CDHR5: variants seen among roughly 807,000 people sequenced by gnomAD.
CDHR5 encodes the protein cadherin related family member 5.
In CDHR5, 82 loss-of-function variants were observed where a neutral mutation model predicts 69.5. The ratio of observed to expected loss-of-function variants is 1.18; its 90% CI spans 0.99 to 1.42. The LOEUF (loss-of-function observed/expected upper bound fraction) is 1.42, where lower values mean the gene tolerates loss of function less well. CDHR5 is among the 40% of genes most tolerant of loss of function. The pLI, the probability that CDHR5 is intolerant of heterozygous loss-of-function variation, is 0.00. For synonymous variants in CDHR5, 601 were observed against 510.2 expected (o/e 1.18, Z -2.40); for missense variants, 1,293 against 1,168.9 (o/e 1.11, Z -1.55).
chr11:622,047 C>T lies in CDHR5; in HGVS notation c.313-143G>A, dbSNP rs956828579. 1.6e-5 allele frequency: 10 copies of T among 636,422 alleles called. 1 individual carries two copies. The highest frequency in any genetic ancestry group is 3.8e-5 in the African/African-American group (2 of 52,284). The allele number at this position is 636,422 out of a possible 1,614,324, so 39.4% of individuals were successfully genotyped here. A position where few individuals can be genotyped will look rare whatever the true frequency, so the allele number is the denominator to read the frequency against. On this transcript the variant is annotated intron_variant, in intron 3 of 14. Transcript: ENST00000397542. ...GCCCTAAGTGAGGTGCACCCCTCGACGGCCACCCGTCCCTGCTGTGAGTGA... is the reference window on the plus strand; with the variant it reads ...GCCCTAAGTGAGGTGCACCCCTCGATGGCCACCCGTCCCTGCTGTGAGTGA...
At position 617,487 on chromosome 11, in the gene CDHR5, G is replaced by A; in HGVS notation, c.2402C>T (p.Ala801Val). ...VWFGEDIGTE[A>V]DVVVLNAPTL... ...GGGCGCGTTGAGAACGACCACGTCT[G>A]CCTCCGTCCCGATGTCCTCGCCAAA... The change falls in exon 15 of 15, where the codon GCA becomes GTA. Residue 801 changes from alanine (A) to valine (V), a missense_variant. Physicochemically the swap from Ala to Val is moderately conservative, Grantham distance 64. Coordinates refer to ENST00000397542, the MANE Select transcript of CDHR5 (RefSeq NM_021924.5). 6 of 1,612,734 alleles carry A rather than the reference G, an allele frequency of 3.7e-6. No homozygotes were observed. The highest frequency in any genetic ancestry group is 5.1e-6 in the Non-Finnish European group (6 of 1,179,868).
Position 624,910 on chromosome 11 carries a change from G to A in CDHR5, c.-8C>T. 1.3e-6 allele frequency: 2 copies of A among 1,544,710 alleles called. No homozygotes were observed. The highest frequency in any genetic ancestry group is 1.7e-6 in the Non-Finnish European group (2 of 1,148,032). On this transcript the variant is annotated 5_prime_UTR_variant, in exon 1 of 15. Transcript: ENST00000397542. The surrounding 1 kb of genome is among the most constrained non-coding windows in gnomAD (Gnocchi z 5.3). ...CAGGGCCCAAGACCCCATCTTGGCG[G>A]CTGTCACCTGGCAGGAGGGTCTGAG...
rs984977663 is a variant in CDHR5 at position 624,806 on chromosome 11, G to T, written c.85+12C>A. On this transcript the variant is annotated intron_variant, in intron 1 of 14. Coordinates refer to ENST00000397542, the MANE Select transcript of CDHR5 (RefSeq NM_021924.5). This position sits in a 1 kb window ranked among gnomAD's most constrained non-coding sequence, Gnocchi z 5.3. ...CGCCGCCCGTGCCCCACCTACCCCTGCCCGCACATACACTGGGCCTGGGCC... is the reference window on the plus strand; with the variant it reads ...CGCCGCCCGTGCCCCACCTACCCCTTCCCGCACATACACTGGGCCTGGGCC... 1.2e-6 allele frequency: 2 copies of T among 1,609,362 alleles called. No homozygotes were observed. Among genetic ancestry groups the T allele is most frequent in the Admixed American group, 1.7e-5 (1 of 59,052 alleles).
intron 3 of CDHR5, 137 bp from the exon 4 acceptor site, chr11:622,041 C>A (rs1857440132): frequency 3.0e-6 from 2 of 657,248 alleles, no homozygotes; most frequent in Non-Finnish European, 5.2e-6. Context: ...GAGGTGCACC[C>A]CTCGACGGCC....
Position 621,358 on chromosome 11 carries a change from C to A in CDHR5, c.605G>T (p.Trp202Leu). Reference sequence around the variant, plus strand: ...TGACCTGCTCACCCGCACCAGCAGCCAGAAGGTCATGTTCGGCCGCTCGTA... The same window carrying A: ...TGACCTGCTCACCCGCACCAGCAGCAAGAAGGTCATGTTCGGCCGCTCGTA... The part of the protein sequence containing the change: ...DFYERPNMTF[W>L]LLVRDTPGEN... The change falls in exon 6 of 15, where the codon TGG becomes TTG. Residue 202 changes from tryptophan to leucine, a missense_variant. Trp to Leu is a moderately conservative substitution (Grantham distance 61). Coordinates refer to ENST00000397542, the MANE Select transcript of CDHR5 (RefSeq NM_021924.5). The surrounding 1 kb of genome is among the most constrained non-coding windows in gnomAD (Gnocchi z 4.4). 6.2e-7 allele frequency: 1 copy of A among 1,613,294 alleles called. No homozygotes were observed. The highest frequency in any genetic ancestry group is 8.5e-7 in the Non-Finnish European group (1 of 1,179,936).
At chr11:622,685 A>C (rs1834801102) in intron 3 of CDHR5, among the ~76,000 whole-genome samples, 1 of 150,856 alleles carries the variant, frequency 6.6e-6, no homozygotes, top group Admixed American at 6.6e-5. Flanking sequence ...CATTTTGGCC[A>C]CATTGGTCTC....
chr11:624,855 C>G lies in CDHR5; in HGVS notation c.48G>C (p.Leu16=). 1 of 1,592,498 alleles carries G rather than the reference C, an allele frequency of 6.3e-7. No individual in the cohort carries two copies. Among genetic ancestry groups the G allele is most frequent in the Non-Finnish European group, 8.5e-7 (1 of 1,171,456 alleles). ...CCATGGTCCCCGGGGGTCGGACGAG[C>G]AGCCCGGTGAACAGCAGGGGAGGCC... is the stretch of plus-strand genomic sequence containing the variant. ...LLWPPLLFTG[L]LVRPPGTMAQ... The change falls in exon 1 of 15, where the codon CTG becomes CTC. Residue 16 remains leucine (L), a synonymous_variant. Coordinates refer to ENST00000397542, the MANE Select transcript of CDHR5 (RefSeq NM_021924.5). This position sits in a 1 kb window ranked among gnomAD's most constrained non-coding sequence, Gnocchi z 5.3.
chr11:617,435 G>C lies in CDHR5; in HGVS notation c.2454C>G (p.Asp818Glu). 1.2e-6 allele frequency: 2 copies of C among 1,612,358 alleles called. No individual in the cohort carries two copies. The highest frequency in any genetic ancestry group is 1.7e-6 in the Non-Finnish European group (2 of 1,179,618). Residue 818 changes from aspartate to glutamate, a missense_variant, in exon 15 of 15, where the codon GAC becomes GAG. Asp to Glu is a conservative substitution (Grantham distance 45). Coordinates refer to ENST00000397542, the MANE Select transcript of CDHR5 (RefSeq NM_021924.5). ...CCTCGCCCTCATCGCCGCTGCCGGA[G>C]TCACTGGCGCCATCCACGTCCAGGG... Reference protein sequence around the residue: ...APTLDVDGASDSGSGDEGEGA... With the variant: ...APTLDVDGASESGSGDEGEGA...
intron 3 of CDHR5, among the ~76,000 whole-genome samples, chr11:623,234 G>T (rs533049828): frequency 6.6e-6 from 1 of 152,128 alleles, no homozygotes; most frequent in African/African-American, 2.4e-5. Context: ...GCTTGGACCC[G>T]GGAGGCGGAA....
chr11:617,391 C>T lies in CDHR5; in HGVS notation c.2498G>A (p.Gly833Asp), dbSNP rs1471404615. ...ATCACCACCGGGCGCATCGTAGGGA[C>T]CCCCACCCCTCCCCGCGCCCTCGCC... is the stretch of plus-strand genomic sequence containing the variant. ...DEGEGAGRGGGPYDAPGGDDS... is the reference protein window; with the variant it reads ...DEGEGAGRGGDPYDAPGGDDS... Residue 833 changes from glycine to aspartate, a missense_variant, in exon 15 of 15, where the codon GGT becomes GAT. Coordinates refer to ENST00000397542, the MANE Select transcript of CDHR5 (RefSeq NM_021924.5). 4 of 1,610,334 alleles carry T rather than the reference C, an allele frequency of 2.5e-6. No individual in the cohort carries two copies. Among genetic ancestry groups the T allele is most frequent in the Non-Finnish European group, 3.4e-6 (4 of 1,178,356 alleles).
chr11:617,851 C>A, intron 14 of CDHR5, 81 bp from the exon 15 acceptor site: 1 of 1,488,030 alleles, frequency 6.7e-7, no homozygotes, highest in Non-Finnish European at 9.0e-7. Flanking sequence ...CCACGCTGGA[C>A]ACCCCTCCGT....
At chr11:618,296 C>T (rs1468320976) in intron 13 of CDHR5, among the ~76,000 whole-genome samples, 185 bp from the exon 14 acceptor site, 1 of 152,238 alleles carries the variant, frequency 6.6e-6, no homozygotes, top group Non-Finnish European at 1.5e-5. Context: ...CTGCCCACCC[C>T]CTCCCCCCCG....
chr11:624,471 T>G lies in CDHR5; in HGVS notation c.261+86A>C. Reference sequence around the variant, plus strand: ...CAGTGGATGCCCGCAGGCATAGAACTCCTAGGCCCCCAAGGGAGGTGTGGC... The same window carrying G: ...CAGTGGATGCCCGCAGGCATAGAACGCCTAGGCCCCCAAGGGAGGTGTGGC... On this transcript the variant is annotated intron_variant, in intron 2 of 14. Coordinates refer to ENST00000397542, the MANE Select transcript of CDHR5 (RefSeq NM_021924.5). The surrounding 1 kb of genome is among the most constrained non-coding windows in gnomAD (Gnocchi z 5.3). 7.2e-7 allele frequency: 1 copy of G among 1,384,140 alleles called. No individual in the cohort carries two copies. The highest frequency in any genetic ancestry group is 1.0e-6 in the Non-Finnish European group (1 of 972,672). 85.7% of individuals were successfully genotyped at this position (1,384,140 alleles called of 1,614,324 possible). A position where few individuals can be genotyped will look rare whatever the true frequency, so the allele number is the denominator to read the frequency against.
chr11:622,982 C>T (rs1452800473), intron 3 of CDHR5, among the ~76,000 whole-genome samples: 2 of 152,022 alleles, frequency 1.3e-5, no homozygotes, highest in African/African-American at 4.8e-5. Flanking sequence ...TCCCTTTCTC[C>T]CATCTTTTTT....
In CDHR5 at chr11:618,720, C is replaced by T. The variant is rs754713115; in HGVS notation, c.1839G>A (p.Met613Ile). The stretch of plus-strand genomic sequence containing the variant: ...AGGTGCTGGTTCCCATACCGGGGGG[C>T]ATCGGCTGAGAGGTTCCTGCCTCTG... Reference protein sequence around the residue: ...QTPEAGTSQPMPPGMGTSTSH... With the variant: ...QTPEAGTSQPIPPGMGTSTSH... Residue 613 changes from methionine to isoleucine, a missense_variant, in exon 13 of 15, where the codon ATG becomes ATA. Transcript: ENST00000397542. 13 of 1,589,262 alleles carry T rather than the reference C, an allele frequency of 8.2e-6. No individual in the cohort carries two copies. The highest frequency in any genetic ancestry group is 7.0e-5 in the East Asian group (3 of 43,126).
Position 619,763 on chromosome 11 carries a change from C to T in CDHR5, c.1097G>A (p.Gly366Asp). ...CTTGACCACAACGCCCGCTCCAGCG[C>T]CACGCGCCACGGTGCCACGATACAG... Reference protein sequence around the residue: ...QRLYRGTVARGAGAGVVVKDA... With the variant: ...QRLYRGTVARDAGAGVVVKDA... The change falls in exon 10 of 15, where the codon GGC (glycine) becomes GAC (aspartate). Residue 366 changes from glycine to aspartate, a missense_variant. Gly to Asp is a moderately conservative substitution (Grantham distance 94). Transcript: ENST00000397542. 5.6e-6 allele frequency: 9 copies of T among 1,611,282 alleles called. No individual in the cohort carries two copies. The highest frequency in any genetic ancestry group is 6.8e-6 in the Non-Finnish European group (8 of 1,179,870).
rs753698890 is a variant in CDHR5 at position 624,463 on chromosome 11, C to T, written c.261+94G>A. 3 of 1,296,934 alleles carry T rather than the reference C, an allele frequency of 2.3e-6. No individual in the cohort carries two copies. The highest frequency in any genetic ancestry group is 3.4e-6 in the Non-Finnish European group (3 of 894,214). 80.3% of individuals were successfully genotyped at this position (1,296,934 alleles called of 1,614,324 possible). ...ATGGGTGTCAGTGGATGCCCGCAGG[C>T]ATAGAACTCCTAGGCCCCCAAGGGA... On this transcript the variant is annotated intron_variant, in intron 2 of 14. Coordinates refer to ENST00000397542, the MANE Select transcript of CDHR5 (RefSeq NM_021924.5). The surrounding 1 kb of genome is among the most constrained non-coding windows in gnomAD (Gnocchi z 5.3).
intron 3 of CDHR5, among the ~76,000 whole-genome samples, chr11:623,927 G>A (rs1458243334): frequency 1.3e-5 from 2 of 152,108 alleles, no homozygotes; most frequent in Non-Finnish European, 1.5e-5. Context: ...AACCAAGGTG[G>A]TCCCCGTGAC....
rs1215923407 is a variant in CDHR5, at chr11:620,060, A to G, written c.978+7T>C. ...TGCCCTGCCCCCCATGCAGGTGCCC[A>G]CCTCACCTTCACCAGCAGAAGGAAG... On this transcript the variant is annotated splice_region_variant and intron_variant, in intron 9 of 14. Transcript: ENST00000397542. 1 of 1,448,658 alleles carries G rather than the reference A, an allele frequency of 6.9e-7. No homozygotes were observed. Among genetic ancestry groups the G allele is most frequent in the Non-Finnish European group, 9.3e-7 (1 of 1,079,954 alleles). 89.7% of individuals were successfully genotyped at this position (1,448,658 alleles called of 1,614,324 possible). A position where few individuals can be genotyped will look rare whatever the true frequency, so the allele number is the denominator to read the frequency against.
Sources: allele counts gnomAD v4.1 joint callset (sites outside exome capture counted in the v4.1 genomes callset), GRCh38; gene constraint gnomAD v4.1.1; non-coding constraint Gnocchi (gnomAD v3.1); transcripts MANE v1.5; gene names NCBI Gene and HGNC (gene_info 2026-07-23, HGNC 2026-07-21).